KCNIP4: variants seen among roughly 807,000 people sequenced by gnomAD.
KCNIP4 encodes Kv channel-interacting protein 4.
Under a neutral mutation model 34.0 loss-of-function variants are expected in KCNIP4, and 12 were observed. The observed-to-expected ratio is 0.35, with a 90% CI of 0.23 to 0.57. The LOEUF (loss-of-function observed/expected upper bound fraction) is 0.57, where lower values mean the gene tolerates loss of function less well. Among genes scored for constraint, KCNIP4 ranks in the 20% least tolerant of loss-of-function variants. The pLI, the probability that KCNIP4 is intolerant of heterozygous loss-of-function variation, is 0.83. For synonymous variants in KCNIP4, 124 were observed against 102.2 expected (o/e 1.21, Z -1.29); for missense variants, 238 against 311.7 (o/e 0.76, Z 1.78).
At chr4:21,296,623 A>C (rs1021675391) in intron 1 of KCNIP4, among the ~76,000 whole-genome samples, 23 of 151,832 alleles carry the variant, frequency 1.5e-4, no homozygotes, top group African/African-American at 5.6e-4. Context: ...GTCTACAGCC[A>C]AGGTGTATTC....
At chr4:21,236,354 T>C (rs1386271704) in intron 1 of KCNIP4, among the ~76,000 whole-genome samples, 1 of 152,192 alleles carries the variant, frequency 6.6e-6, no homozygotes, top group Non-Finnish European at 1.5e-5. Flanking sequence ...TGGTGACATT[T>C]GTATAACATT....
At chr4:20,830,691 A>G (rs1281002214) in intron 3 of KCNIP4, among the ~76,000 whole-genome samples, 3 of 152,248 alleles carry the variant, frequency 2.0e-5, no homozygotes, top group African/African-American at 7.2e-5. Flanking sequence ...AAATGTATAG[A>G]GAAATAGATA....
chr4:20,753,035 A>G (rs1753918865), intron 4 of KCNIP4: 1 of 152,220 alleles, frequency 6.6e-6, no homozygotes, highest in Non-Finnish European at 1.5e-5. Context: ...TGAGTTTGTT[A>G]AGCTGGGATT....
At chr4:21,856,375 A>T (rs1724755594) in intron 1 of KCNIP4, among the ~76,000 whole-genome samples, 1 of 152,216 alleles carries the variant, frequency 6.6e-6, no homozygotes, top group South Asian at 2.1e-4. Flanking sequence ...CTCTTTACAG[A>T]AATTTTAGTA....
chr4:21,062,846 T>A (rs1383740331), intron 1 of KCNIP4, among the ~76,000 whole-genome samples: 1 of 152,098 alleles, frequency 6.6e-6, no homozygotes, highest in East Asian at 1.9e-4. Flanking sequence ...TTCAACAAAT[T>A]GGAGGAGGCC....
At chr4:21,931,419 T>A in intron 1 of KCNIP4, among the ~76,000 whole-genome samples, 1 of 68,610 alleles carries the variant, frequency 1.5e-5, no homozygotes, top group Non-Finnish European at 2.6e-5. Context: ...CCCTCCCCCC[T>A]CCCCCCACCC....
intron 1 of KCNIP4, among the ~76,000 whole-genome samples, chr4:21,887,145 T>C (rs962656091): frequency 4.6e-5 from 7 of 152,138 alleles, no homozygotes; most frequent in Admixed American, 2.6e-4. Context: ...TAAGAGTAGA[T>C]GATAATGGCC....
intron 1 of KCNIP4, among the ~76,000 whole-genome samples, chr4:21,688,407 G>C (rs1224269347): frequency 6.6e-6 from 1 of 152,126 alleles, no homozygotes; most frequent in South Asian, 2.1e-4. Flanking sequence ...GCATTTCAAT[G>C]ATGAGATACT....
intron 1 of KCNIP4, among the ~76,000 whole-genome samples, chr4:21,550,973 C>T (rs1738536793): frequency 6.6e-6 from 1 of 152,024 alleles, no homozygotes. Context: ...CTTACGGTCA[C>T]TCATGGCATA....
intron 1 of KCNIP4, chr4:21,315,376 T>A (rs80219773): frequency 6.7e-6 from 1 of 148,670 alleles, no homozygotes; most frequent in African/African-American, 2.6e-5. Flanking sequence ...ATTTTTTTAA[T>A]TTTTTTTACT....
At position 21,589,203 on chromosome 4, in the gene KCNIP4, T is replaced by TATCTATACA. The variant is rs1560540351; in HGVS notation, c.61+359367_61+359368insTGTATAGAT. Among the ~76,000 whole-genome samples, 84 of 9,260 alleles carry TATCTATACA rather than the reference T, an allele frequency of 9.1e-3. 3 individuals carry two copies. The East Asian group carries it at 0.31, about 34-fold the overall frequency. The allele number at this position is 9,260 out of a possible 152,430, so 6.1% of individuals were successfully genotyped here. A position where few individuals can be genotyped will look rare whatever the true frequency, so the allele number is the denominator to read the frequency against. ...ATATATATATATATATATATATATGTGTACATATATAAGTACACATGTATC... is the reference window on the plus strand; with the variant it reads ...ATATATATATATATATATATATATGTATCTATACAGTACATATATAAGTACACATGTATC... On this transcript the variant is annotated intron_variant, in intron 1 of 8. Transcript: ENST00000382152.
chr4:21,519,732 A>ATGTATGATACACACGTGTGTG (rs1560481020), intron 1 of KCNIP4, among the ~76,000 whole-genome samples: 1 of 113,412 alleles, frequency 8.8e-6, no homozygotes, highest in African/African-American at 3.8e-5. Flanking sequence ...ACACGTGTGT[A>ATGTATGATACACACGTGTGTG]TATGTATGAT....
chr4:21,811,297 C>T (rs1377029967), intron 1 of KCNIP4, among the ~76,000 whole-genome samples: 1 of 152,126 alleles, frequency 6.6e-6, no homozygotes, highest in African/African-American at 2.4e-5. Context: ...TCTGATTATT[C>T]CATGAACTCT....
chr4:21,405,896 C>T (rs917079222), intron 1 of KCNIP4, among the ~76,000 whole-genome samples: 4 of 152,188 alleles, frequency 2.6e-5, no homozygotes, highest in African/African-American at 9.7e-5. Flanking sequence ...AGCGCAATGG[C>T]GCGATCTTGG....
chr4:21,938,979 C>T (rs1730044261), intron 1 of KCNIP4, among the ~76,000 whole-genome samples: 1 of 152,086 alleles, frequency 6.6e-6, no homozygotes, highest in Non-Finnish European at 1.5e-5. Flanking sequence ...AAAAATATTT[C>T]TAAAACTACA....
chr4:20,885,447 C>CA (rs1271237958), intron 1 of KCNIP4, among the ~76,000 whole-genome samples: 1 of 152,210 alleles, frequency 6.6e-6, no homozygotes. Flanking sequence ...GCCAACTCAG[C>CA]ATGAGGACCA....
intron 1 of KCNIP4, among the ~76,000 whole-genome samples, chr4:21,692,378 T>G (rs1472771910): frequency 6.6e-6 from 1 of 152,190 alleles, no homozygotes; most frequent in Non-Finnish European, 1.5e-5. Flanking sequence ...ATAAGAAGAT[T>G]AAGCAAGACC....
intron 1 of KCNIP4, among the ~76,000 whole-genome samples, chr4:20,919,439 C>CA (rs1275551506): frequency 6.6e-6 from 1 of 151,082 alleles, no homozygotes; most frequent in East Asian, 1.9e-4. Flanking sequence ...CGCGGTGGCT[C>CA]ATGCCTGTAA....
chr4:21,824,638 C>T (rs1722565292), intron 1 of KCNIP4, among the ~76,000 whole-genome samples: 2 of 152,110 alleles, frequency 1.3e-5, no homozygotes. Context: ...TTTAAAAACC[C>T]CAGTCTCTGA....
Sources: allele counts gnomAD v4.1 joint callset (sites outside exome capture counted in the v4.1 genomes callset), GRCh38; gene constraint gnomAD v4.1.1; transcripts MANE v1.5; gene names NCBI Gene and HGNC (gene_info 2026-07-23, HGNC 2026-07-21).